Variants in DUOXA2 observed in about 807,000 individuals in gnomAD.
The protein encoded by DUOXA2 is dual oxidase maturation factor 2.
A neutral mutation model predicts 27.6 loss-of-function variants in DUOXA2; 22 were observed. The ratio of observed to expected loss-of-function variants is 0.80; its 90% CI spans 0.57 to 1.14. DUOXA2 has a LOEUF of 1.14. DUOXA2 is among the 50% of genes most tolerant of loss of function. The pLI, the probability that DUOXA2 is intolerant of heterozygous loss-of-function variation, is 0.00. For missense variants in DUOXA2, 481 were observed against 419.9 expected (o/e 1.15, Z -1.27); for synonymous variants, 188 against 184.4 (o/e 1.02, Z -0.16).
chr15:45,117,485 G>T, intron 5 of DUOXA2, 180 bp downstream of exon 5: 1 of 1,551,714 alleles, frequency 6.4e-7, no homozygotes, highest in South Asian at 1.2e-5. Context: ...GGCTCAGAAG[G>T]GTTTGGTGTC....
At chr15:45,117,457 T>C (rs1367513889) in intron 5 of DUOXA2, 152 bp downstream of exon 5, 1 of 1,545,784 alleles carries the variant, frequency 6.5e-7, no homozygotes, top group African/African-American at 1.4e-5. Context: ...ATGACCATTT[T>C]ACAGATGAAA....
intron 1 of DUOXA2, 91 bp downstream of exon 1, chr15:45,114,843 G>A (rs1392260618): frequency 5.1e-6 from 8 of 1,583,358 alleles, no homozygotes; most frequent in Admixed American, 5.0e-5. Flanking sequence ...GACTGTACAA[G>A]AGCCTCCATG....
intron 3 of DUOXA2, 59 bp downstream of exon 3, chr15:45,116,317 G>A: frequency 6.2e-7 from 1 of 1,607,770 alleles, no homozygotes. Context: ...TTAGGTGAGT[G>A]TGTCAGGGAT....
chr15:45,117,849 C>A lies in DUOXA2; in HGVS notation c.903C>A (p.Gly301=). ...QERGGSPLIL[G]DPLHKQAALP... is the part of the protein sequence containing the mutation. Reference sequence around the variant, plus strand: ...GAGGGGGCTCACCTCTTATCCTCGGCGACCCACTGCACAAGCAGGCCGCTC... The same window carrying A: ...GAGGGGGCTCACCTCTTATCCTCGGAGACCCACTGCACAAGCAGGCCGCTC... The change falls in exon 6 of 6, where the codon GGC becomes GGA. Residue 301 remains glycine, a synonymous_variant. Transcript: ENST00000323030. 6.2e-7 allele frequency: 1 copy of A among 1,613,720 alleles called. No homozygotes were observed. The highest frequency in any genetic ancestry group is 8.5e-7 in the Non-Finnish European group (1 of 1,180,030).
intron 2 of DUOXA2, 25 bp downstream of exon 2, chr15:45,115,881 G>T: frequency 1.2e-6 from 2 of 1,614,060 alleles, no homozygotes; most frequent in Non-Finnish European, 1.7e-6. Flanking sequence ...CAGCCCATGG[G>T]GAGAGGACGG....
In DUOXA2 at chr15:45,118,189, G is replaced by GT. The variant is rs1555415994; in HGVS notation, c.*281dup. ...GCTTCGCTGGGCTGGAGACAGCCTAGTACACTCTCCGCAGTGCTGTGAAAC... is the reference window on the plus strand; with the variant it reads ...GCTTCGCTGGGCTGGAGACAGCCTAGTTACACTCTCCGCAGTGCTGTGAAAC... On this transcript the variant is annotated 3_prime_UTR_variant, in exon 6 of 6. Coordinates refer to ENST00000323030, the MANE Select transcript of DUOXA2 (RefSeq NM_207581.4). 8 of 1,431,390 alleles carry GT rather than the reference G, an allele frequency of 5.6e-6. No homozygotes were observed. The highest frequency in any genetic ancestry group is 7.3e-6 in the Non-Finnish European group (8 of 1,098,286). 88.7% of individuals were successfully genotyped at this position (1,431,390 alleles called of 1,614,324 possible).
rs112166546 is a variant in DUOXA2, at chr15:45,117,770, C to T, written c.824C>T (p.Pro275Leu). Residue 275 changes from proline to leucine, a missense_variant, in exon 6 of 6, where the codon CCC (proline) becomes CTC (leucine). By Grantham distance (98) the Pro-to-Leu change is moderately conservative. Coordinates refer to ENST00000323030, the MANE Select transcript of DUOXA2 (RefSeq NM_207581.4). ...GTGGTGAGTCTCCAGTATGTTCGGCCCAGCGCTCTTCGCACCCTTCTGGAC... is the reference window on the plus strand; with the variant it reads ...GTGGTGAGTCTCCAGTATGTTCGGCTCAGCGCTCTTCGCACCCTTCTGGAC... The part of the protein sequence containing the change: ...GAVVSLQYVR[P>L]SALRTLLDQS... 49 of 1,613,844 alleles carry T rather than the reference C, an allele frequency of 3.0e-5. No homozygotes were observed. The African/African-American group carries it at 6.1e-4, about 20-fold the overall frequency.
rs767664636 is a variant in DUOXA2 at position 45,115,857 on chromosome 15, G to T, written c.205+1G>T. On this transcript the variant is annotated splice_donor_variant, in intron 2 of 5. Coordinates refer to ENST00000323030, the MANE Select transcript of DUOXA2 (RefSeq NM_207581.4). LOFTEE classifies it high-confidence loss of function. ...CTGTTCATAGGCGCAGAAATTGTGG[G>T]TGAGTGTGTGGTGCAGCCCATGGGG... The T allele has an allele frequency of 2.1e-5, 34 of 1,614,078 alleles. No homozygotes were observed. The highest frequency in any genetic ancestry group is 2.9e-5 in the Non-Finnish European group (34 of 1,180,008).
chr15:45,118,112 T>G lies in DUOXA2; in HGVS notation c.*203T>G, dbSNP rs773381205. 1 of 1,474,874 alleles carries G rather than the reference T, an allele frequency of 6.8e-7. No homozygotes were observed. Among genetic ancestry groups the G allele is most frequent in the South Asian group, 1.4e-5 (1 of 72,206 alleles). 91.4% of individuals were successfully genotyped at this position (1,474,874 alleles called of 1,614,324 possible). On this transcript the variant is annotated 3_prime_UTR_variant, in exon 6 of 6. Coordinates refer to ENST00000323030, the MANE Select transcript of DUOXA2 (RefSeq NM_207581.4). ...TTTCTTTTGTTTTTTAAAAACTGTTTTTCCCATTAATTTTCATGGCTTCTC... is the reference window on the plus strand; with the variant it reads ...TTTCTTTTGTTTTTTAAAAACTGTTGTTCCCATTAATTTTCATGGCTTCTC...
chr15:45,114,402 C>A lies in DUOXA2; in HGVS notation c.-204C>A, dbSNP rs957759530. ...GTTTCGCTCGCCGGCTAGAAAAACT[C>A]TGTCGGTACCAACCCCAGAGCGTTG... On this transcript the variant is annotated 5_prime_UTR_variant, in exon 1 of 6. The change creates a new upstream start codon in the 5' untranslated region. Transcript: ENST00000323030. 6 of 640,108 alleles carry A rather than the reference C, an allele frequency of 9.4e-6. No homozygotes were observed. The African/African-American group carries it at 1.1e-4, about 12-fold the overall frequency. 39.7% of individuals were successfully genotyped at this position (640,108 alleles called of 1,614,324 possible). A position where few individuals can be genotyped will look rare whatever the true frequency, so the allele number is the denominator to read the frequency against.
In DUOXA2 at chr15:45,116,648, C is replaced by G; in HGVS notation, c.473C>G (p.Ala158Gly). 5 of 1,613,834 alleles carry G rather than the reference C, an allele frequency of 3.1e-6. No individual in the cohort carries two copies. The highest frequency in any genetic ancestry group is 4.2e-6 in the Non-Finnish European group (5 of 1,180,048). The part of the protein sequence containing the change: ...KGLPDPVLYL[A>G]EKFTPSSPCG... ...CTGCCGGACCCAGTGCTCTACCTGG[C>G]GGAGAAGTTCACACCGAGTAGCCCT... The change falls in exon 4 of 6, where the codon GCG becomes GGG. Residue 158 changes from alanine (A) to glycine (G), a missense_variant. Transcript: ENST00000323030.
Position 45,118,067 on chromosome 15 carries a change from G to A in DUOXA2, c.*158G>A. 1 of 1,550,792 alleles carries A rather than the reference G, an allele frequency of 6.4e-7. No homozygotes were observed. Among genetic ancestry groups the A allele is most frequent in the Non-Finnish European group, 8.7e-7 (1 of 1,150,498 alleles). ...GGCACCAGGGAAAGTCTCCTGGGGC[G>A]ATCTGTAAATAAACCTTTTTTTCTT... On this transcript the variant is annotated 3_prime_UTR_variant, in exon 6 of 6. Transcript: ENST00000323030.
At chr15:45,115,882 G>A (rs1278125125) in intron 2 of DUOXA2, 26 bp downstream of exon 2, 3 of 1,614,074 alleles carry the variant, frequency 1.9e-6, no homozygotes, top group Admixed American at 1.7e-5. Flanking sequence ...AGCCCATGGG[G>A]AGAGGACGGG....
At chr15:45,116,846 C>T in intron 4 of DUOXA2, 117 bp downstream of exon 4, 1 of 1,300,860 alleles carries the variant, frequency 7.7e-7, no homozygotes, top group Non-Finnish European at 1.1e-6. Context: ...CCGACGCGCT[C>T]GGGGTGGGCA....
Position 45,117,080 on chromosome 15 carries a change from C to T in DUOXA2, c.555-11C>T. 1 of 1,597,878 alleles carries T rather than the reference C, an allele frequency of 6.3e-7. No homozygotes were observed. Among genetic ancestry groups the T allele is most frequent in the Non-Finnish European group, 8.5e-7 (1 of 1,179,606 alleles). On this transcript the variant is annotated splice_polypyrimidine_tract_variant and intron_variant, in intron 4 of 5. Coordinates refer to ENST00000323030, the MANE Select transcript of DUOXA2 (RefSeq NM_207581.4). ...AGCCCGCTCACAGCGGGTCCCCCCA[C>T]TCCCCGGCAGGGTGGCGTTCTGCTT...
intron 3 of DUOXA2, 33 bp downstream of exon 3, chr15:45,116,291 G>C: frequency 1.2e-6 from 2 of 1,611,760 alleles, no homozygotes; most frequent in Non-Finnish European, 1.7e-6. Context: ...AACTCCTGGA[G>C]CTGGGAGATC....
chr15:45,116,225 G>C lies in DUOXA2; in HGVS notation c.307G>C (p.Val103Leu), dbSNP rs1432250764. The change falls in exon 3 of 6, where the codon GTG becomes CTG. Residue 103 changes from valine (V) to leucine (L), a missense_variant. Coordinates refer to ENST00000323030, the MANE Select transcript of DUOXA2 (RefSeq NM_207581.4). ...CGTTACAGCCCGTGTCCGTCTGCTC[G>C]TGGGCCTGGAGGGCATTAATATTAC... ...ARVTARVRLL[V>L]GLEGINITLT... is the part of the protein sequence containing the mutation. 1.2e-6 allele frequency: 2 copies of C among 1,613,982 alleles called. No individual in the cohort carries two copies. The highest frequency in any genetic ancestry group is 2.7e-5 in the African/African-American group (2 of 74,920).
Position 45,118,347 on chromosome 15 carries a change from T to TC in DUOXA2, c.*443dup. The TC allele has an allele frequency of 1.1e-5, 13 of 1,167,008 alleles. No homozygotes were observed. Among genetic ancestry groups the TC allele is most frequent in the Non-Finnish European group, 1.4e-5 (13 of 944,340 alleles). 72.3% of individuals were successfully genotyped at this position (1,167,008 alleles called of 1,614,324 possible). On this transcript the variant is annotated 3_prime_UTR_variant, in exon 6 of 6. Transcript: ENST00000323030. ...GGCAGTGATGAGGCAGGTCACCCACTCCCCCGTCCTGGATGCCACTCAGCT... is the reference window on the plus strand; with the variant it reads ...GGCAGTGATGAGGCAGGTCACCCACTCCCCCCGTCCTGGATGCCACTCAGCT...
Position 45,116,676 on chromosome 15 carries a change from C to A in DUOXA2, c.501C>A (p.Cys167Ter), listed in dbSNP as rs781126484. ...LAEKFTPSSP[C>*]GLYHQYHLAG... is the part of the protein sequence containing the mutation. ...AGAAGTTCACACCGAGTAGCCCTTG[C>A]GGCCTGTACCACCAGTACCACCTGG... The change falls in exon 4 of 6, where the codon TGC (cysteine) becomes TGA (stop). Residue 167 changes from cysteine to a stop codon, truncating the protein, a stop_gained. Transcript: ENST00000323030. LOFTEE classifies it high-confidence loss of function. The A allele has an allele frequency of 6.2e-7, 1 of 1,613,748 alleles. No homozygotes were observed. Among genetic ancestry groups the A allele is most frequent in the Non-Finnish European group, 8.5e-7 (1 of 1,180,052 alleles).
Sources: allele counts gnomAD v4.1 joint callset, GRCh38; gene constraint gnomAD v4.1.1; transcripts MANE v1.5; gene names NCBI Gene and HGNC (gene_info 2026-07-23, HGNC 2026-07-21).